Variants in GRIPAP1 observed in about 807,000 individuals in gnomAD.
GRIPAP1 encodes GRIP1 associated protein 1.
GRIPAP1 carries 14 observed loss-of-function variants against 84.1 expected under a neutral mutation model. The ratio of observed to expected loss-of-function variants is 0.17; its 90% CI spans 0.11 to 0.26. The LOEUF is 0.26. Ranked by LOEUF, GRIPAP1 falls within the 10% of genes least tolerant of loss-of-function variation. The pLI is 1.00. For synonymous variants in GRIPAP1, 261 were observed against 256.8 expected, an observed-to-expected ratio of 1.02 and a Z score of -0.15; for missense variants, 518 against 674.2, an observed-to-expected ratio of 0.77 and a Z score of 2.57.
At chrX:48,991,214 AGTCC>A in intron 6 of GRIPAP1, 104 bp from the exon 7 acceptor site, 1 of 564,617 alleles carries the variant, frequency 1.8e-6, no homozygotes, top group Non-Finnish European at 3.1e-6. Flanking sequence ...CAGGTGGCAG[AGTCC>A]CTGTGCCAAA....
At chrX:48,979,505 A>AAAG (rs2064443413) in intron 21 of GRIPAP1, among the ~76,000 whole-genome samples, 270 of 1,358 alleles carry the variant, frequency 0.2, 112 homozygotes, top group African/African-American at 0.49. Flanking sequence ...AAAAAAAAGA[A>AAAG]ATGCAAGCAG....
intron 5 of GRIPAP1, among the ~76,000 whole-genome samples, chrX:48,994,219 CTT>C (rs200273142): frequency 6.3e-5 from 6 of 95,165 alleles, no homozygotes; most frequent in Admixed American, 3.4e-4. Flanking sequence ...TATTTTCTTT[CTT>C]TTTTTTTTTT....
chrX:48,997,052 A>C (rs781881280), intron 5 of GRIPAP1, among the ~76,000 whole-genome samples, 198 bp downstream of exon 5: 1 of 111,450 alleles, frequency 9.0e-6, no homozygotes, highest in East Asian at 2.8e-4. Context: ...CTCAGGGCTC[A>C]AAGCCTTCTA....
At position 48,989,661 on chromosome X, in the gene GRIPAP1, G is replaced by A; in HGVS notation, c.820C>T (p.Gln274Ter). The change falls in exon 11 of 26, where the codon CAG becomes TAG. Residue 274 changes from glutamine (Q) to a stop codon, truncating the protein, a stop_gained. Coordinates refer to ENST00000376423, the MANE Select transcript of GRIPAP1 (RefSeq NM_020137.5). LOFTEE classifies it high-confidence loss of function. Reference sequence around the variant, plus strand: ...TGCAGCTTCTGGGTTCGAGCCAACTGGGCTTTGTGATCAGCTTCCTTCCGT... The same window carrying A: ...TGCAGCTTCTGGGTTCGAGCCAACTAGGCTTTGTGATCAGCTTCCTTCCGT... ...QQRKEADHKA[Q>*]LARTQKLQQE... 8.3e-7 allele frequency: 1 copy of A among 1,207,459 alleles called. No individual in the cohort carries two copies. The highest frequency in any genetic ancestry group is 1.1e-6 in the Non-Finnish European group (1 of 891,655).
intron 23 of GRIPAP1, 33 bp from the exon 24 acceptor site, chrX:48,976,144 C>G (rs1557060405): frequency 8.3e-7 from 1 of 1,204,093 alleles, no homozygotes; most frequent in Non-Finnish European, 1.1e-6. Context: ...TGAGACCCCT[C>G]TACTGTACAT....
At chrX:48,997,381 G>T (rs782594234) in intron 4 of GRIPAP1, 24 bp from the exon 5 acceptor site, 24 of 910,180 alleles carry the variant, frequency 2.6e-5, no homozygotes, top group Non-Finnish European at 3.7e-5. Flanking sequence ...CAAGGGCCAG[G>T]ACTCCAGCAA....
At chrX:49,001,680 C>A (rs929436658) in intron 1 of GRIPAP1, among the ~76,000 whole-genome samples, 2 of 110,174 alleles carry the variant, frequency 1.8e-5, no homozygotes, top group Non-Finnish European at 3.8e-5. Context: ...CTCCCAGGAA[C>A]AATGACAACA....
chrX:48,981,937 G>T, intron 17 of GRIPAP1, 65 bp from the exon 18 acceptor site: 1 of 801,340 alleles, frequency 1.2e-6, no homozygotes, highest in Non-Finnish European at 1.8e-6. Context: ...TTAGGGGTAT[G>T]AGGGACTGCA....
chrX:48,983,594 ACTTT>A (rs2064470224), intron 15 of GRIPAP1, among the ~76,000 whole-genome samples, 154 bp from the exon 16 acceptor site: 1 of 111,338 alleles, frequency 9.0e-6, no homozygotes, highest in Non-Finnish European at 1.9e-5. Flanking sequence ...AGAACTGGTC[ACTTT>A]CTTTCTTTCC....
chrX:48,989,684 C>T lies in GRIPAP1; in HGVS notation c.797G>A (p.Arg266Gln), dbSNP rs782236997. Residue 266 changes from arginine to glutamine, a missense_variant, in exon 11 of 26, where the codon CGG (arginine) becomes CAG (glutamine). By Grantham distance (43) the Arg-to-Gln change is conservative. Around this residue, in one of 5 missense-constraint regions of GRIPAP1, gnomAD observed 372 missense variants for 458.1 expected, o/e 0.81. Transcript: ENST00000376423. ...SRNKIEELQQ[R>Q]KEADHKAQLA... ...CTGGGCTTTGTGATCAGCTTCCTTCCGTTGTTGTAATTCCTCAATCTTGTT... is the reference window on the plus strand; with the variant it reads ...CTGGGCTTTGTGATCAGCTTCCTTCTGTTGTTGTAATTCCTCAATCTTGTT... 34 of 1,205,285 alleles carry T rather than the reference C, an allele frequency of 2.8e-5. No homozygotes were observed. Among genetic ancestry groups the T allele is most frequent in the Non-Finnish European group, 3.6e-5 (32 of 889,553 alleles).
intron 3 of GRIPAP1, among the ~76,000 whole-genome samples, chrX:48,998,388 G>C (rs1443647415): frequency 8.9e-6 from 1 of 112,435 alleles, no homozygotes; most frequent in Non-Finnish European, 1.9e-5. Context: ...ATGAATGCAA[G>C]TCTTGCCCTG....
At position 48,976,359 on chromosome X, in the gene GRIPAP1, A is replaced by G. The variant is rs782282741; in HGVS notation, c.2066T>C (p.Leu689Ser). ...KESSAVPARS[L>S]SSSPQAQPPR... is the part of the protein sequence containing the mutation. Reference sequence around the variant, plus strand: ...GGGCTGGGCTTGAGGGCTGCTGGATAAGGACTGCAGGAAAGAGAAGGGGAG... The same window carrying G: ...GGGCTGGGCTTGAGGGCTGCTGGATGAGGACTGCAGGAAAGAGAAGGGGAG... The change falls in exon 23 of 26, where the codon TTA (leucine) becomes TCA (serine). Residue 689 changes from leucine to serine, a missense_variant. Transcript: ENST00000376423. 3 of 1,200,219 alleles carry G rather than the reference A, an allele frequency of 2.5e-6. No individual in the cohort carries two copies. Among genetic ancestry groups the G allele is most frequent in the African/African-American group, 3.5e-5 (2 of 57,643 alleles).
At chrX:48,979,077 G>A (rs1305337194) in intron 21 of GRIPAP1, among the ~76,000 whole-genome samples, 2 of 110,085 alleles carry the variant, frequency 1.8e-5, no homozygotes, top group African/African-American at 6.6e-5. Flanking sequence ...GCTAGAGAGG[G>A]CACAGGGCAC....
intron 11 of GRIPAP1, chrX:48,988,451 G>A (rs1483544485): frequency 3.2e-5 from 12 of 371,900 alleles, no homozygotes; most frequent in East Asian, 1.3e-4. Context: ...GCTGCTACGC[G>A]GTTCAAACTC....
At chrX:49,000,417 G>A (rs1387107254) in intron 1 of GRIPAP1, 4 of 95,304 alleles carry the variant, frequency 4.2e-5, no homozygotes, top group African/African-American at 1.1e-4. Flanking sequence ...AGTGCCAGGC[G>A]CAGTGGCTGA....
rs868917792 is a variant in GRIPAP1 at position 48,983,083 on chromosome X, G to A, written c.1495C>T (p.Arg499Trp). The A allele has an allele frequency of 5.0e-6, 6 of 1,197,468 alleles. No homozygotes were observed. The highest frequency in any genetic ancestry group is 1.8e-5 in the South Asian group (1 of 56,719). ...GTCTGCTGGAGAGTCTCCAGCTCCCGTGTCCGGGCCTGGGATGGGGCAGAC... is the reference window on the plus strand; with the variant it reads ...GTCTGCTGGAGAGTCTCCAGCTCCCATGTCCGGGCCTGGGATGGGGCAGAC... ...GQIREEKART[R>W]ELETLQQTVE... The change falls in exon 17 of 26, where the codon CGG becomes TGG. Residue 499 changes from arginine to tryptophan, a missense_variant. Physicochemically the swap from Arg to Trp is moderately radical, Grantham distance 101. Transcript: ENST00000376423.
chrX:48,987,768 C>A lies in GRIPAP1; in HGVS notation c.1041+17G>T, dbSNP rs1557064322. On this transcript the variant is annotated intron_variant, in intron 13 of 25. Transcript: ENST00000376423. ...GAACTGGAGAGGGATCAGCAAGGGC[C>A]CCCAGGTGTTCTTTACCTGCTCCAG... is the stretch of plus-strand genomic sequence containing the variant. 1 of 1,045,464 alleles carries A rather than the reference C, an allele frequency of 9.6e-7. No homozygotes were observed. Among genetic ancestry groups the A allele is most frequent in the Non-Finnish European group, 1.3e-6 (1 of 747,852 alleles). The allele number at this position is 1,045,464 out of a possible 1,213,427, so 86.2% of individuals were successfully genotyped here.
At chrX:48,988,327 C>A in intron 11 of GRIPAP1, 129 bp from the exon 12 acceptor site, 1 of 484,041 alleles carries the variant, frequency 2.1e-6, no homozygotes, top group Non-Finnish European at 3.6e-6. Context: ...ATCCAGCCAA[C>A]AGCAATCTCA....
chrX:48,986,100 G>A (rs1352452598), intron 13 of GRIPAP1, among the ~76,000 whole-genome samples: 2 of 108,863 alleles, frequency 1.8e-5, no homozygotes, highest in African/African-American at 6.7e-5. Flanking sequence ...AATTAGCTGG[G>A]CATGGTGGCA....
Sources: gnomAD v4.1 joint callset for allele counts (sites outside exome capture counted in the v4.1 genomes callset) on GRCh38, gnomAD v4.1.1 for gene constraint, gnomAD v4.1.1 regional missense constraint, MANE v1.5 for transcripts, NCBI Gene and HGNC (gene_info 2026-07-23, HGNC 2026-07-21) for gene names.